TNRC6C: variants seen among roughly 807,000 people sequenced by gnomAD.
TNRC6C encodes the protein trinucleotide repeat-containing gene 6C protein.
A neutral mutation model predicts 153.7 loss-of-function variants in TNRC6C; 20 were observed. That is an observed-to-expected ratio of 0.13 (90% CI 0.09 to 0.19). The LOEUF (loss-of-function observed/expected upper bound fraction) is 0.19, where lower values mean the gene tolerates loss of function less well. Among genes scored for constraint, TNRC6C ranks in the 10% least tolerant of loss-of-function variants. The pLI is 1.00. For missense variants in TNRC6C, 1,987 were observed against 2,172.0 expected (o/e 0.91, Z 1.69); for synonymous variants, 811 against 841.4 (o/e 0.96, Z 0.63).
In TNRC6C at chr17:78,083,140, T is replaced by A. The variant is rs775907005; in HGVS notation, c.3451T>A (p.Leu1151Met). The A allele has an allele frequency of 1.9e-6, 3 of 1,613,974 alleles. No individual in the cohort carries two copies. The highest frequency in any genetic ancestry group is 1.6e-4 in the Middle Eastern group (1 of 6,062). ...AATTAATCCTCAACATATGACGATG[T>A]TGAACCAGCTCTATCAGCTGCAGCT... Residue 1151 changes from leucine (L) to methionine (M), a missense_variant, in exon 11 of 20, where the codon TTG becomes ATG. By Grantham distance (15) the Leu-to-Met change is conservative. This residue lies in a region of TNRC6C where 765 missense variants were observed against 908.6 expected (regional missense o/e 0.84). Transcript: ENST00000301624.
chr17:78,080,336 C>T (rs1162814883), intron 10 of TNRC6C, among the ~76,000 whole-genome samples: 1 of 152,118 alleles, frequency 6.6e-6, no homozygotes, highest in African/African-American at 2.4e-5. Flanking sequence ...ATCCCAGCTA[C>T]TTGGGAGGCT....
intron 2 of TNRC6C, among the ~76,000 whole-genome samples, chr17:78,040,468 A>C (rs929578858): frequency 6.6e-6 from 1 of 152,200 alleles, no homozygotes; most frequent in Non-Finnish European, 1.5e-5. Context: ...TTTTAGATAG[A>C]GGCAGGAAAG....
chr17:78,098,285 C>A, intron 16 of TNRC6C, 58 bp from the exon 20 acceptor site: 1 of 1,479,188 alleles, frequency 6.8e-7, no homozygotes, highest in Non-Finnish European at 9.1e-7. Flanking sequence ...CCAAACACAG[C>A]AGTGAGTTTT....
intron 16 of TNRC6C, among the ~76,000 whole-genome samples, chr17:78,097,076 G>A (rs889431942): frequency 1.3e-5 from 2 of 152,306 alleles, no homozygotes; most frequent in Non-Finnish European, 2.9e-5. Flanking sequence ...TGAGCCGGGT[G>A]TGGTGGCATG....
At chr17:78,031,816 A>G in exon 2 of TNRC6C, 1 of 1,232,324 alleles carries the variant, frequency 8.1e-7, no homozygotes, top group Non-Finnish European at 1.0e-6. Context: ...GCCGGAACAC[A>G]GCATCATCCC....
Position 78,086,834 on chromosome 17 carries a change from C to T in TNRC6C, c.3562-19C>T. On this transcript the variant is annotated intron_variant, in intron 12 of 19. Transcript: ENST00000301624. ...GTCCCTTCCCACCTAGTTAACGCAC[C>T]TATGTCTCTGCCTGCCAGGTTGCGC... is the stretch of plus-strand genomic sequence containing the variant. The T allele has an allele frequency of 3.7e-6, 6 of 1,609,652 alleles. No homozygotes were observed. Among genetic ancestry groups the T allele is most frequent in the Non-Finnish European group, 5.1e-6 (6 of 1,178,574 alleles).
chr17:78,072,970 A>T, intron 6 of TNRC6C, 67 bp from the exon 9 acceptor site: 1 of 1,205,548 alleles, frequency 8.3e-7, no homozygotes, highest in Non-Finnish European at 1.2e-6. Flanking sequence ...GATAGTGATT[A>T]AATTGTTTGT....
At chr17:78,041,428 CCTT>C (rs1342531876) in intron 2 of TNRC6C, among the ~76,000 whole-genome samples, 6 of 152,194 alleles carry the variant, frequency 3.9e-5, no homozygotes, top group African/African-American at 1.4e-4. Context: ...CCCCCAGTTT[CCTT>C]CTTTATTTAA....
At chr17:78,046,325 C>T (rs951192843) in intron 2 of TNRC6C, among the ~76,000 whole-genome samples, 3 of 151,982 alleles carry the variant, frequency 2.0e-5, no homozygotes, top group Admixed American at 6.6e-5. Context: ...GAACCACAGG[C>T]GTGCACCACC....
At chr17:78,006,828 ATT>A (rs113977025) in intron 1 of TNRC6C, among the ~76,000 whole-genome samples, 4,316 of 143,782 alleles carry the variant, frequency 0.03, 197 homozygotes, top group African/African-American at 0.11. Flanking sequence ...TTATTTATTT[ATT>A]TTTTTTTTTT....
At chr17:77,957,848 G>C (rs1180910649), upstream of TNRC6C, among the ~76,000 whole-genome samples, 2 of 152,260 alleles carry the variant, frequency 1.3e-5, no homozygotes, top group African/African-American at 4.8e-5. Context: ...GGCGTACGGA[G>C]CACCGGGGAG....
chr17:77,986,426 A>AAAAAAG (rs111490213), intron 1 of TNRC6C, among the ~76,000 whole-genome samples: 10 of 140,998 alleles, frequency 7.1e-5, no homozygotes, highest in South Asian at 4.4e-4. Context: ...AAAAAAAAAA[A>AAAAAAG]AAGAAGAAGA....
exon 3 of TNRC6C, chr17:78,051,125 C>T (rs981201713): frequency 2.6e-5 from 41 of 1,584,174 alleles, no homozygotes; most frequent in Non-Finnish European, 3.4e-5. Context: ...GTGAAACAGA[C>T]AGGAACAGGG....
At chr17:78,006,841 T>C (rs1175232845) in intron 1 of TNRC6C, among the ~76,000 whole-genome samples, 4 of 149,172 alleles carry the variant, frequency 2.7e-5, no homozygotes, top group African/African-American at 1.0e-4. Flanking sequence ...TTTTTTTTTT[T>C]TGAGATGGAG....
intron 1 of TNRC6C, among the ~76,000 whole-genome samples, chr17:77,990,111 T>G (rs2071227360): frequency 6.6e-6 from 1 of 152,206 alleles, no homozygotes; most frequent in Non-Finnish European, 1.5e-5. Context: ...TCTTGACACC[T>G]CCCTCTCCCT....
chr17:77,960,212 AT>A (rs2144017120), intron 1 of TNRC6C, among the ~76,000 whole-genome samples: 1 of 152,288 alleles, frequency 6.6e-6, no homozygotes, highest in South Asian at 2.1e-4. Context: ...CCGCTCGGTT[AT>A]TTCTAGGCGT....
At chr17:78,057,988 C>G (rs1177492854) in intron 3 of TNRC6C, among the ~76,000 whole-genome samples, 1 of 152,090 alleles carries the variant, frequency 6.6e-6, no homozygotes, top group Non-Finnish European at 1.5e-5. Context: ...GGACCTGGTT[C>G]AGGTTCATTC....
At chr17:78,050,277 C>T in exon 3 of TNRC6C, 1 of 1,548,010 alleles carries the variant, frequency 6.5e-7, no homozygotes, top group Non-Finnish European at 8.7e-7. Flanking sequence ...GTTCTGGCAA[C>T]CACAATGAAG....
intron 1 of TNRC6C, among the ~76,000 whole-genome samples, chr17:77,976,175 G>A (rs949367108): frequency 1.3e-5 from 2 of 152,154 alleles, no homozygotes; most frequent in Non-Finnish European, 2.9e-5. Flanking sequence ...TGCGTAGTCT[G>A]TTTCTCACTA....
Sources: gnomAD v4.1 joint callset for allele counts (sites outside exome capture counted in the v4.1 genomes callset) on GRCh38, gnomAD v4.1.1 for gene constraint, gnomAD v4.1.1 regional missense constraint, MANE v1.5 for transcripts, NCBI Gene and HGNC (gene_info 2026-07-23, HGNC 2026-07-21) for gene names.